TOR3A: variants seen among roughly 807,000 people sequenced by gnomAD.
TOR3A encodes the protein torsin family 3 member A.
Under a neutral mutation model 42.1 loss-of-function variants are expected in TOR3A, and 44 were observed. The observed-to-expected ratio is 1.04, with a 90% CI of 0.82 to 1.34. The LOEUF (loss-of-function observed/expected upper bound fraction) is 1.34. Ranked by LOEUF, TOR3A falls within the 40% of genes most tolerant of loss-of-function variation. The pLI, the probability that TOR3A is intolerant of heterozygous loss-of-function variation, is 0.00. For missense variants in TOR3A, 521 were observed against 507.6 expected (o/e 1.03, Z -0.25); for synonymous variants, 227 against 213.2 (o/e 1.06, Z -0.57).
intron 4 of TOR3A, among the ~76,000 whole-genome samples, chr1:179,093,011 G>A (rs1652634596): frequency 6.6e-6 from 1 of 152,172 alleles, no homozygotes; most frequent in Non-Finnish European, 1.5e-5. Flanking sequence ...TCCAAAAAGA[G>A]AGAAAGCACG....
Position 179,093,188 on chromosome 1 carries a change from G to A in TOR3A, c.819-905G>A, listed in dbSNP as rs1652640570. 1.3e-5 allele frequency among the ~76,000 whole-genome samples: 2 copies of A among 152,128 alleles called. 1 individual carries two copies. The highest frequency in any genetic ancestry group is 4.1e-4 in the South Asian group (2 of 4,828). Reference sequence around the variant, plus strand: ...GGAAGGCCAAGTCTCCACTACCTCTGTCCCAGCTTCCCTGCTGGTGGCTCT... The same window carrying A: ...GGAAGGCCAAGTCTCCACTACCTCTATCCCAGCTTCCCTGCTGGTGGCTCT... On this transcript the variant is annotated intron_variant, in intron 4 of 5. Transcript: ENST00000367627.
rs149476886 is a variant in TOR3A at position 179,095,045 on chromosome 1, C to T, written c.1021C>T (p.Arg341Cys). The change falls in exon 6 of 6, where the codon CGT becomes TGT. Residue 341 changes from arginine (R) to cysteine (C), a missense_variant. Arg to Cys is a radical substitution (Grantham distance 180, BLOSUM62 -3). Transcript: ENST00000367627. ...YFIPFLPLEY[R>C]HVRLCARDAF... The stretch of plus-strand genomic sequence containing the variant: ...CATCCCCTTCCTGCCTTTGGAGTAC[C>T]GTCACGTGAGGCTGTGTGCACGGGA... The T allele has an allele frequency of 6.8e-5, 110 of 1,614,052 alleles. No homozygotes were observed. Among genetic ancestry groups the T allele is most frequent in the African/African-American group, 6.1e-4 (46 of 74,914 alleles).
At position 179,082,287 on chromosome 1, in the gene TOR3A, G is replaced by A. The variant is rs561955568; in HGVS notation, c.159G>A (p.Arg53=). ...PGFQRLQEQL[R]AAGALSKRYW... ...TCCAGCGCCTGCAGGAGCAGCTCAG[G>A]GCGGCGGGTGCCCTCTCCAAGCGGT... is the stretch of plus-strand genomic sequence containing the variant. Residue 53 remains arginine (R), a synonymous_variant, in exon 1 of 6, where the codon AGG becomes AGA. Coordinates refer to ENST00000367627, the MANE Select transcript of TOR3A (RefSeq NM_022371.4). 6.3e-7 allele frequency: 1 copy of A among 1,582,254 alleles called. No individual in the cohort carries two copies. Among genetic ancestry groups the A allele is most frequent in the East Asian group, 2.4e-5 (1 of 41,674 alleles).
chr1:179,095,128 G>C lies in TOR3A; in HGVS notation c.1104G>C (p.Gln368His). Residue 368 changes from glutamine to histidine, a missense_variant, in exon 6 of 6, where the codon CAG becomes CAC. Coordinates refer to ENST00000367627, the MANE Select transcript of TOR3A (RefSeq NM_022371.4). ...YKEETLDEIA[Q>H]MMVYVPKEEQ... is the part of the protein sequence containing the mutation. ...AAGAGACACTGGATGAAATAGCCCA[G>C]ATGATGGTGTATGTCCCCAAGGAGG... The C allele has an allele frequency of 6.2e-7, 1 of 1,614,182 alleles. No homozygotes were observed. The highest frequency in any genetic ancestry group is 8.5e-7 in the Non-Finnish European group (1 of 1,180,008).
intron 3 of TOR3A, among the ~76,000 whole-genome samples, chr1:179,087,233 C>A (rs1652458722): frequency 6.6e-6 from 1 of 152,248 alleles, no homozygotes; most frequent in African/African-American, 2.4e-5. Context: ...GGTTTACTGT[C>A]TTGCCTGGGG....
Position 179,082,122 on chromosome 1 carries a change from G to A in TOR3A, c.-7G>A. ...CAGCCGGATGGTCCCGCAGCTCGGGGCCGGCCATGCTTCGCGGTCCGTGGC... is the reference window on the plus strand; with the variant it reads ...CAGCCGGATGGTCCCGCAGCTCGGGACCGGCCATGCTTCGCGGTCCGTGGC... On this transcript the variant is annotated 5_prime_UTR_variant, in exon 1 of 6. Coordinates refer to ENST00000367627, the MANE Select transcript of TOR3A (RefSeq NM_022371.4). 2 of 1,482,706 alleles carry A rather than the reference G, an allele frequency of 1.3e-6. No individual in the cohort carries two copies. The highest frequency in any genetic ancestry group is 1.3e-5 in the South Asian group (1 of 75,524). 91.8% of individuals were successfully genotyped at this position (1,482,706 alleles called of 1,614,324 possible).
In TOR3A at chr1:179,095,400, TTTTC is replaced by T. The variant is rs1652714680; in HGVS notation, c.*186_*189del. Reference sequence around the variant, plus strand: ...TTACATTAGAAGCCAAGCCAATCCTTTTTCTTTTTTTTGGAGGTCCCACCGAGAT... The same window carrying T: ...TTACATTAGAAGCCAAGCCAATCCTTTTTTTTTTGGAGGTCCCACCGAGAT... On this transcript the variant is annotated 3_prime_UTR_variant, in exon 6 of 6. Coordinates refer to ENST00000367627, the MANE Select transcript of TOR3A (RefSeq NM_022371.4). 1.6e-5 allele frequency: 23 copies of T among 1,436,620 alleles called. No homozygotes were observed. The highest frequency in any genetic ancestry group is 9.3e-5 in the South Asian group (6 of 64,390). 89.0% of individuals were successfully genotyped at this position (1,436,620 alleles called of 1,614,324 possible).
chr1:179,082,085 T>C lies in TOR3A; in HGVS notation c.-44T>C, dbSNP rs749346449. ...TGACCGCCCCGGGCTTAAGGGAGCC[T>C]GGCTAGGCCGGCAGCCGGATGGTCC... On this transcript the variant is annotated 5_prime_UTR_variant, in exon 1 of 6. Coordinates refer to ENST00000367627, the MANE Select transcript of TOR3A (RefSeq NM_022371.4). 42 of 1,423,908 alleles carry C rather than the reference T, an allele frequency of 2.9e-5. No homozygotes were observed. Among genetic ancestry groups the C allele is most frequent in the Non-Finnish European group, 3.6e-5 (40 of 1,101,074 alleles). The allele number at this position is 1,423,908 out of a possible 1,614,324, so 88.2% of individuals were successfully genotyped here.
At chr1:179,083,598 G>C (rs1409264362) in intron 2 of TOR3A, among the ~76,000 whole-genome samples, 2 of 103,750 alleles carry the variant, frequency 1.9e-5, no homozygotes, top group African/African-American at 6.4e-5. Context: ...GGGGGGGGGG[G>C]GCGGGTTTCA....
chr1:179,088,195 A>G, intron 4 of TOR3A, 106 bp downstream of exon 4: 2 of 1,209,768 alleles, frequency 1.7e-6, no homozygotes, highest in Non-Finnish European at 1.1e-6. Context: ...CCTCAAGAAA[A>G]AACAGCACAA....
At chr1:179,088,166 C>T in intron 4 of TOR3A, 77 bp downstream of exon 4, 12 of 1,426,992 alleles carry the variant, frequency 8.4e-6, no homozygotes, top group Non-Finnish European at 1.0e-5. Context: ...TTCCACACGC[C>T]CCCAGGTTCA....
At chr1:179,086,590 C>T (rs988492469) in intron 3 of TOR3A, among the ~76,000 whole-genome samples, 7 of 151,132 alleles carry the variant, frequency 4.6e-5, no homozygotes, top group Admixed American at 6.6e-5. Context: ...GGCGTGAACC[C>T]GGGAGGCGGA....
chr1:179,087,728 G>A (rs1326023232), intron 3 of TOR3A, among the ~76,000 whole-genome samples, 183 bp from the exon 4 acceptor site: 2 of 151,170 alleles, frequency 1.3e-5, no homozygotes, highest in Non-Finnish European at 3.0e-5. Context: ...CCTGGGAGCT[G>A]GTCAGATGCA....
intron 2 of TOR3A, among the ~76,000 whole-genome samples, chr1:179,083,419 G>A (rs971499556): frequency 2.6e-4 from 39 of 150,802 alleles, no homozygotes; most frequent in Non-Finnish European, 5.0e-4. Flanking sequence ...TTGAGACGGA[G>A]GCTTGCTCTG....
intron 1 of TOR3A, 102 bp from the exon 2 acceptor site, chr1:179,082,838 C>A: frequency 1.2e-6 from 1 of 804,828 alleles, no homozygotes; most frequent in Non-Finnish European, 2.1e-6. Flanking sequence ...AATCTGAGTT[C>A]TGGGTGTCCC....
chr1:179,088,803 C>T (rs977196130), intron 4 of TOR3A, among the ~76,000 whole-genome samples: 6 of 152,138 alleles, frequency 3.9e-5, no homozygotes, highest in Non-Finnish European at 8.8e-5. Context: ...CATCTTTTTG[C>T]GGAGGCTCCA....
chr1:179,083,011 T>C lies in TOR3A; in HGVS notation c.331T>C (p.Cys111Arg). ...CACGTGGTACTGCAGCTTCAAAGAC[T>C]GCTGCCCTAGAGGGGATTGCAGAAT... ...LTTWYCSFKD[C>R]CPRGDCRISN... The change falls in exon 2 of 6, where the codon TGC becomes CGC. Residue 111 changes from cysteine (C) to arginine (R), a missense_variant. Transcript: ENST00000367627. 1 of 1,586,538 alleles carries C rather than the reference T, an allele frequency of 6.3e-7. No homozygotes were observed. Among genetic ancestry groups the C allele is most frequent in the Admixed American group, 1.8e-5 (1 of 55,218 alleles).
chr1:179,090,683 C>A (rs1172950455), intron 4 of TOR3A, among the ~76,000 whole-genome samples: 2 of 152,170 alleles, frequency 1.3e-5, no homozygotes, highest in African/African-American at 4.8e-5. Context: ...GCCTGTCCTT[C>A]ATCCGGGCCA....
rs146554814 is a variant in TOR3A, at chr1:179,089,757, C to T, written c.818+1668C>T. Among the ~76,000 whole-genome samples, 915 of 152,266 alleles carry T rather than the reference C, an allele frequency of 6.0e-3. 11 individuals are homozygous for T. The highest frequency in any genetic ancestry group is 0.02 in the African/African-American group (841 of 41,560). ...TGAACCACCGATGCGGAAGCCAGTC[C>T]TTCCCACGGCACGGAGCAAAGCATG... On this transcript the variant is annotated intron_variant, in intron 4 of 5. Coordinates refer to ENST00000367627, the MANE Select transcript of TOR3A (RefSeq NM_022371.4).
Sources: gnomAD v4.1 joint callset for allele counts (sites outside exome capture counted in the v4.1 genomes callset) on GRCh38, gnomAD v4.1.1 for gene constraint, MANE v1.5 for transcripts, NCBI Gene and HGNC (gene_info 2026-07-23, HGNC 2026-07-21) for gene names.